Variants in SOX5 observed in about 807,000 individuals in gnomAD.
SOX5 encodes SRY-box transcription factor 5.
A neutral mutation model predicts 92.0 loss-of-function variants in SOX5; 9 were observed. That is an observed-to-expected ratio of 0.10 (90% CI 0.06 to 0.17). The LOEUF (loss-of-function observed/expected upper bound fraction) is 0.17, where lower values mean the gene tolerates loss of function less well. SOX5 is among the 10% of genes least tolerant of loss of function. SOX5 has a pLI of 1.00. For synonymous variants in SOX5, 344 were observed against 336.3 expected, an observed-to-expected ratio of 1.02 and a Z score of -0.25; for missense variants, 642 against 944.5, an observed-to-expected ratio of 0.68 and a Z score of 4.20.
chr12:24,071,772 G>A (rs1249863235), intron 4 of SOX5, among the ~76,000 whole-genome samples: 2 of 152,098 alleles, frequency 1.3e-5, no homozygotes, highest in Non-Finnish European at 2.9e-5. Flanking sequence ...ATTCATAACA[G>A]GTGGTCAATA....
At chr12:23,742,716 G>C (rs1249995778) in intron 4 of SOX5, among the ~76,000 whole-genome samples, 1 of 152,194 alleles carries the variant, frequency 6.6e-6, no homozygotes, top group Non-Finnish European at 1.5e-5. Context: ...CCAAGGCTGG[G>C]TGCAGGGGCT....
At chr12:23,580,994 T>G (rs1328027251) in intron 9 of SOX5, among the ~76,000 whole-genome samples, 1 of 152,104 alleles carries the variant, frequency 6.6e-6, no homozygotes, top group African/African-American at 2.4e-5. Context: ...TATATTTCAT[T>G]TAGTTGGTTT....
At chr12:24,150,731 A>G (rs538299077) in intron 4 of SOX5, among the ~76,000 whole-genome samples, 3 of 152,238 alleles carry the variant, frequency 2.0e-5, no homozygotes, top group Admixed American at 2.0e-4. Flanking sequence ...AAAAGGAGGA[A>G]TTAGTCAATA....
rs1555312735 is a variant in SOX5 at position 24,476,005 on chromosome 12, A to ATG, written c.-251+86323_-251+86324insCA. ...TCCGAAATACATTTAAAAAAAAAAA[A>ATG]AAAAAAAAAGCAGAAGAGAAAATTT... On this transcript the variant is annotated intron_variant, in intron 1 of 4. Coordinates refer to the SOX5 transcript ENST00000446891. 3.1e-5 allele frequency among the ~76,000 whole-genome samples: 3 copies of ATG among 95,470 alleles called. No homozygotes were observed. In the Admixed American group the frequency reaches 3.2e-4, roughly 10 times the overall value. The allele number at this position is 95,470 out of a possible 152,430, so 62.6% of individuals were successfully genotyped here.
At chr12:23,559,219 A>G (rs1277159542) in intron 11 of SOX5, among the ~76,000 whole-genome samples, 1 of 152,210 alleles carries the variant, frequency 6.6e-6, no homozygotes, top group Admixed American at 6.5e-5. Context: ...TCTGGGTGGT[A>G]ATGAAGCAAA....
chr12:24,506,784 C>CTTTTTTTTTTTTTTTTTTTTTT lies in SOX5; in HGVS notation c.-251+55523_-251+55544dup, dbSNP rs386375924. Among the ~76,000 whole-genome samples the CTTTTTTTTTTTTTTTTTTTTTT allele has an allele frequency of 3.9e-4, 32 of 81,770 alleles. 2 individuals carry two copies. Among genetic ancestry groups the CTTTTTTTTTTTTTTTTTTTTTT allele is most frequent in the Non-Finnish European group, 5.8e-4 (26 of 45,152 alleles). 53.6% of individuals were successfully genotyped at this position (81,770 alleles called of 152,430 possible). A position where few individuals can be genotyped will look rare whatever the true frequency, so the allele number is the denominator to read the frequency against. The stretch of plus-strand genomic sequence containing the variant: ...CTGTATTTCATGGTATCCAAATGGT[C>CTTTTTTTTTTTTTTTTTTTTTT]TTTTTTTTTTTTTTTTTTTTTTGGA... On this transcript the variant is annotated intron_variant, in intron 1 of 4. Coordinates refer to the SOX5 transcript ENST00000446891.
chr12:23,552,563 T>G (rs190207438), intron 11 of SOX5, among the ~76,000 whole-genome samples: 1 of 151,926 alleles, frequency 6.6e-6, no homozygotes, highest in Non-Finnish European at 1.5e-5. Flanking sequence ...AGAACCTCCA[T>G]GTTTAAAAAG....
chr12:24,451,846 C>T (rs11047453), intron 1 of SOX5, among the ~76,000 whole-genome samples: 10,449 of 152,196 alleles, frequency 0.069, 417 homozygotes, highest in Admixed American at 0.079. Context: ...ATGCCTGGGA[C>T]GCTGTAGCTA....
At chr12:24,443,004 T>C (rs1208196422) in intron 1 of SOX5, among the ~76,000 whole-genome samples, 3 of 140,640 alleles carry the variant, frequency 2.1e-5, no homozygotes, top group Non-Finnish European at 4.5e-5. Flanking sequence ...TAGGCTGGAG[T>C]GCAGTGGCAC....
In SOX5 at chr12:24,040,760, T is replaced by C. The variant is rs556650414; in HGVS notation, c.-1-144736A>G. Among the ~76,000 whole-genome samples, 28 of 152,062 alleles carry C rather than the reference T, an allele frequency of 1.8e-4. No homozygotes were observed. The East Asian group carries it at 3.7e-3, about 20-fold the overall frequency. On this transcript the variant is annotated intron_variant, in intron 4 of 4. Transcript: ENST00000446891. The stretch of plus-strand genomic sequence containing the variant: ...TGGTGGCGGGCGCCTGTAGTCCCAG[T>C]TCCTCGGGAGGCTGAGGCAGGAGAA...
chr12:24,300,524 A>T (rs1947829395), intron 2 of SOX5, among the ~76,000 whole-genome samples: 1 of 152,204 alleles, frequency 6.6e-6, no homozygotes, highest in African/African-American at 2.4e-5. Context: ...TGAGCGGTAT[A>T]ACAGACCACT....
chr12:23,585,945 A>C (rs1436925689), intron 9 of SOX5, among the ~76,000 whole-genome samples: 2 of 152,080 alleles, frequency 1.3e-5, no homozygotes, highest in Admixed American at 6.6e-5. Context: ...GGCACACCTG[A>C]CACCTGGTCA....
chr12:24,011,886 A>T (rs1952984755), intron 4 of SOX5, among the ~76,000 whole-genome samples: 1 of 152,172 alleles, frequency 6.6e-6, no homozygotes, highest in Non-Finnish European at 1.5e-5. Flanking sequence ...CTAACAAGAG[A>T]AAATATTATT....
intron 6 of SOX5, among the ~76,000 whole-genome samples, chr12:23,677,397 T>A (rs114856607): frequency 3.3e-5 from 5 of 152,306 alleles, no homozygotes; most frequent in African/African-American, 1.2e-4. Context: ...AAATCAGAAA[T>A]AATTAGAAAA....
chr12:24,523,067 G>A (rs949406105), intron 1 of SOX5, among the ~76,000 whole-genome samples: 1 of 151,936 alleles, frequency 6.6e-6, no homozygotes, highest in African/African-American at 2.4e-5. Flanking sequence ...TAGTAAAGTG[G>A]CAGAATACAA....
At chr12:23,998,043 G>A (rs2136328790) in intron 4 of SOX5, among the ~76,000 whole-genome samples, 1 of 152,122 alleles carries the variant, frequency 6.6e-6, no homozygotes, top group Non-Finnish European at 1.5e-5. Flanking sequence ...CACAAAACAT[G>A]TAAAGAAATA....
chr12:23,862,633 G>A (rs2096768382), intron 2 of SOX5, among the ~76,000 whole-genome samples: 1 of 152,144 alleles, frequency 6.6e-6, no homozygotes, highest in Admixed American at 6.5e-5. Flanking sequence ...TTTATCAGAA[G>A]GGATTCTAGC....
chr12:24,305,033 G>A (rs1464064519), intron 2 of SOX5, among the ~76,000 whole-genome samples: 1 of 152,160 alleles, frequency 6.6e-6, no homozygotes, highest in Non-Finnish European at 1.5e-5. Flanking sequence ...GAAGAATGAC[G>A]ATGATCAAAG....
At chr12:23,898,344 T>C (rs962155673) in intron 1 of SOX5, among the ~76,000 whole-genome samples, 2 of 152,192 alleles carry the variant, frequency 1.3e-5, no homozygotes, top group Non-Finnish European at 2.9e-5. Context: ...GGTATTCTGG[T>C]GTCTGCCTCA....
Sources: gnomAD v4.1 joint callset for allele counts (sites outside exome capture counted in the v4.1 genomes callset) on GRCh38, gnomAD v4.1.1 for gene constraint, MANE v1.5 for transcripts, NCBI Gene and HGNC (gene_info 2026-07-23, HGNC 2026-07-21) for gene names.